The following GPC5 variants were observed in gnomAD, a reference collection of about 807,000 sequenced individuals.
GPC5 encodes glypican 5, also known as glypican-5.
A neutral mutation model predicts 53.9 loss-of-function variants in GPC5; 47 were observed. The ratio of observed to expected loss-of-function variants is 0.87; its 90% confidence interval spans 0.69 to 1.11. The LOEUF (loss-of-function observed/expected upper bound fraction) is 1.11. GPC5 is among the 50% of genes most tolerant of loss of function. GPC5 has a pLI of 0.00. For missense variants in GPC5, 748 were observed against 713.1 expected (o/e 1.05, Z -0.56); for synonymous variants, 286 against 263.3 (o/e 1.09, Z -0.84).
At chr13:91,948,024 C>G (rs1216715042) in intron 6 of GPC5, among the ~76,000 whole-genome samples, 2 of 151,872 alleles carry the variant, frequency 1.3e-5, no homozygotes, top group Non-Finnish European at 2.9e-5. Context: ...ACCAATGTCA[C>G]GTGACCATCC....
intron 7 of GPC5, among the ~76,000 whole-genome samples, chr13:92,581,356 C>T (rs1270859595): frequency 6.6e-6 from 1 of 152,038 alleles, no homozygotes; most frequent in Admixed American, 6.6e-5. Context: ...TTACGTAATG[C>T]CATATCCTCC....
chr13:92,611,371 CT>C (rs1039836962), intron 7 of GPC5, among the ~76,000 whole-genome samples: 3 of 152,070 alleles, frequency 2.0e-5, no homozygotes, highest in African/African-American at 7.2e-5. Flanking sequence ...TTTTCTTTCC[CT>C]TTGTCTGAAA....
At chr13:91,915,276 G>C (rs2039647296) in intron 6 of GPC5, among the ~76,000 whole-genome samples, 1 of 152,152 alleles carries the variant, frequency 6.6e-6, no homozygotes, top group South Asian at 2.1e-4. Context: ...GTTTGTCTGA[G>C]TAAATTCAAT....
intron 5 of GPC5, among the ~76,000 whole-genome samples, chr13:91,772,888 A>G (rs893717279): frequency 1.3e-5 from 2 of 152,164 alleles, no homozygotes; most frequent in African/African-American, 2.4e-5. Context: ...TTTGGGGACC[A>G]CTGCCTTTGG....
intron 7 of GPC5, among the ~76,000 whole-genome samples, chr13:92,257,378 A>C (rs2042733601): frequency 6.6e-6 from 1 of 152,014 alleles, no homozygotes; most frequent in Admixed American, 6.6e-5. Context: ...CTTAGGTATG[A>C]TAATATGAAA....
At chr13:92,373,657 G>A (rs940880577) in intron 7 of GPC5, among the ~76,000 whole-genome samples, 3 of 152,124 alleles carry the variant, frequency 2.0e-5, no homozygotes, top group African/African-American at 4.8e-5. Context: ...ATATTCTGTT[G>A]TTGAACATAT....
intron 7 of GPC5, among the ~76,000 whole-genome samples, chr13:92,702,627 A>G (rs542753387): frequency 1.2e-4 from 19 of 152,108 alleles, no homozygotes; most frequent in African/African-American, 4.1e-4. Context: ...CCCCAGCCCA[A>G]GCCCCCATTT....
At chr13:92,168,605 A>G (rs1293355192) in intron 7 of GPC5, among the ~76,000 whole-genome samples, 1 of 152,230 alleles carries the variant, frequency 6.6e-6, no homozygotes, top group Non-Finnish European at 1.5e-5. Context: ...TGATCATTAG[A>G]GAAATCCAAA....
intron 6 of GPC5, among the ~76,000 whole-genome samples, chr13:91,948,970 A>G (rs1849797724): frequency 6.6e-6 from 1 of 152,156 alleles, no homozygotes; most frequent in South Asian, 2.1e-4. Flanking sequence ...GGTGTCTGAG[A>G]GGGAGATATT....
intron 2 of GPC5, among the ~76,000 whole-genome samples, chr13:91,485,315 C>A (rs1055917256): frequency 4.0e-5 from 6 of 151,526 alleles, no homozygotes; most frequent in African/African-American, 9.7e-5. Flanking sequence ...CAGGTTCAAG[C>A]GGTTCTCCTG....
chr13:92,206,159 T>TTTG (rs1566484664), intron 7 of GPC5, among the ~76,000 whole-genome samples: 18 of 56,760 alleles, frequency 3.2e-4, no homozygotes, highest in African/African-American at 1.6e-3. Context: ...TTTTTTATTT[T>TTTG]TTTTTTTATT....
At chr13:91,908,474 G>C (rs2039577906) in intron 6 of GPC5, among the ~76,000 whole-genome samples, 1 of 151,958 alleles carries the variant, frequency 6.6e-6, no homozygotes, top group Non-Finnish European at 1.5e-5. Context: ...TATAAGTTAG[G>C]TCATAGATGA....
intron 7 of GPC5, among the ~76,000 whole-genome samples, chr13:92,846,854 A>G (rs1469100857): frequency 6.6e-6 from 1 of 152,258 alleles, no homozygotes; most frequent in African/African-American, 2.4e-5. Flanking sequence ...CATACACTGT[A>G]GATTATTATT....
intron 2 of GPC5, among the ~76,000 whole-genome samples, chr13:91,655,885 T>C (rs1376978952): frequency 2.0e-5 from 3 of 152,128 alleles, no homozygotes; most frequent in Non-Finnish European, 4.4e-5. Flanking sequence ...ATCTCTCTTA[T>C]GGGGTGAAAA....
intron 6 of GPC5, among the ~76,000 whole-genome samples, chr13:92,072,140 T>TTAATGAATGAATAAAATGTATATA (rs1273500954): frequency 4.1e-5 from 6 of 147,140 alleles, no homozygotes; most frequent in African/African-American, 1.5e-4. Context: ...GATCATTTTA[T>TTAATGAATGAATAAAATGTATATA]TAATGAATGA....
intron 7 of GPC5, among the ~76,000 whole-genome samples, chr13:92,327,084 A>G (rs2043257207): frequency 6.6e-6 from 1 of 152,116 alleles, no homozygotes. Context: ...GGTGATTTCT[A>G]GCAGGGAAAA....
At chr13:92,210,332 T>A (rs955256063) in intron 7 of GPC5, among the ~76,000 whole-genome samples, 21 of 152,210 alleles carry the variant, frequency 1.4e-4, no homozygotes, top group Admixed American at 1.2e-3. Context: ...ACTAAATGAC[T>A]CAAAATGTTT....
At chr13:92,168,266 A>G (rs747449151) in intron 7 of GPC5, among the ~76,000 whole-genome samples, 1 of 152,236 alleles carries the variant, frequency 6.6e-6, no homozygotes, top group South Asian at 2.1e-4. Flanking sequence ...ACCTTTCAGG[A>G]CATAGGCACT....
intron 7 of GPC5, among the ~76,000 whole-genome samples, chr13:92,256,812 T>C (rs1230584176): frequency 1.3e-5 from 2 of 152,072 alleles, no homozygotes; most frequent in Non-Finnish European, 2.9e-5. Context: ...TTTGAAAACA[T>C]GGAATCAAGT....
Sources: gnomAD v4.1 joint callset for allele counts (sites outside exome capture counted in the v4.1 genomes callset) on GRCh38, gnomAD v4.1.1 for gene constraint, MANE v1.5 for transcripts, NCBI Gene and HGNC (gene_info 2026-07-23, HGNC 2026-07-21) for gene names.